The following CAMK2D variants were observed in gnomAD, a reference collection of about 807,000 sequenced individuals.
CAMK2D encodes calcium/calmodulin-dependent protein kinase type II subunit delta.
A neutral mutation model predicts 84.0 loss-of-function variants in CAMK2D; 37 were observed. That is an observed-to-expected ratio of 0.44 (90% CI 0.34 to 0.58). The LOEUF (loss-of-function observed/expected upper bound fraction) is 0.58. Among genes scored for constraint, CAMK2D ranks in the 20% least tolerant of loss-of-function variants. CAMK2D has a pLI of 0.02. For synonymous variants in CAMK2D, 202 were observed against 212.5 expected, an observed-to-expected ratio of 0.95 and a Z score of 0.43; for missense variants, 448 against 652.5, an observed-to-expected ratio of 0.69 and a Z score of 3.41.
intron 2 of CAMK2D, among the ~76,000 whole-genome samples, chr4:113,681,297 T>C (rs2099345093): frequency 6.6e-6 from 1 of 152,164 alleles, no homozygotes; most frequent in Non-Finnish European, 1.5e-5. Context: ...AACTGAATCA[T>C]GGGGGTGGTT....
intron 15 of CAMK2D, 105 bp downstream of exon 15, chr4:113,502,831 T>G (rs967584678): frequency 1.2e-6 from 1 of 802,722 alleles, no homozygotes; most frequent in African/African-American, 1.7e-5. Context: ...TAGAAAATGG[T>G]TAGAATTTTC....
intron 3 of CAMK2D, among the ~76,000 whole-genome samples, chr4:113,637,593 C>A (rs2099114913): frequency 6.6e-6 from 1 of 152,032 alleles, no homozygotes; most frequent in African/African-American, 2.4e-5. Flanking sequence ...TTGGTTTGGG[C>A]ACATAATCAA....
At chr4:113,588,652 A>C (rs940822537) in intron 4 of CAMK2D, among the ~76,000 whole-genome samples, 1 of 152,158 alleles carries the variant, frequency 6.6e-6, no homozygotes, top group East Asian at 1.9e-4. Context: ...TAAAACATTC[A>C]CTTACAACTC....
chr4:113,547,744 T>A, intron 5 of CAMK2D, 28 bp from the exon 6 acceptor site: 5 of 1,481,250 alleles, frequency 3.4e-6, no homozygotes, highest in Non-Finnish European at 1.8e-6. Context: ...GGGGCGTGTG[T>A]TAGTTCCAAG....
At chr4:113,661,900 T>A (rs1404709695) in intron 2 of CAMK2D, 128 bp from the exon 3 acceptor site, 1 of 592,744 alleles carries the variant, frequency 1.7e-6, no homozygotes, top group Non-Finnish European at 3.0e-6. Flanking sequence ...GAAACAATGA[T>A]AATTCAAATT....
intron 2 of CAMK2D, among the ~76,000 whole-genome samples, chr4:113,700,730 G>A (rs1410317135): frequency 6.6e-6 from 1 of 152,194 alleles, no homozygotes; most frequent in African/African-American, 2.4e-5. Flanking sequence ...TGCAGAAAAG[G>A]AAAAGAAAGC....
intron 12 of CAMK2D, among the ~76,000 whole-genome samples, chr4:113,511,030 A>C (rs943295196): frequency 2.6e-5 from 4 of 152,136 alleles, no homozygotes; most frequent in African/African-American, 9.6e-5. Context: ...CAAAGAGAAG[A>C]TGATGATTCA....
intron 2 of CAMK2D, among the ~76,000 whole-genome samples, chr4:113,735,287 AGG>A (rs1249164900): frequency 5.4e-5 from 5 of 92,750 alleles, no homozygotes; most frequent in Admixed American, 2.2e-4. Context: ...CCATCTCTAC[AGG>A]AAAAAAAAAA....
intron 2 of CAMK2D, among the ~76,000 whole-genome samples, chr4:113,748,435 C>A (rs991125410): frequency 6.6e-6 from 1 of 151,964 alleles, no homozygotes; most frequent in Non-Finnish European, 1.5e-5. Flanking sequence ...GATATTTAAT[C>A]CTCTAACCCA....
chr4:113,568,487 A>G (rs547949869), intron 4 of CAMK2D, among the ~76,000 whole-genome samples: 23 of 152,308 alleles, frequency 1.5e-4, no homozygotes, highest in African/African-American at 5.5e-4. Flanking sequence ...GTTGATGGAC[A>G]TTTGTGTTGT....
intron 4 of CAMK2D, among the ~76,000 whole-genome samples, chr4:113,561,658 C>G (rs1345326135): frequency 6.6e-6 from 1 of 152,038 alleles, no homozygotes; most frequent in East Asian, 1.9e-4. Context: ...AAAGATAATG[C>G]CAGATTAATC....
At chr4:113,718,660 G>T (rs147729799) in intron 2 of CAMK2D, among the ~76,000 whole-genome samples, 18 of 152,178 alleles carry the variant, frequency 1.2e-4, no homozygotes, top group African/African-American at 4.3e-4. Flanking sequence ...TTGGGAAAGG[G>T]CTGTTTTCAT....
chr4:113,707,228 C>A (rs772728811), intron 2 of CAMK2D, among the ~76,000 whole-genome samples: 4 of 152,072 alleles, frequency 2.6e-5, no homozygotes, highest in Non-Finnish European at 5.9e-5. Flanking sequence ...CTCATGCTGG[C>A]TATCCATGCC....
At chr4:113,618,175 T>C (rs1285382164) in intron 3 of CAMK2D, among the ~76,000 whole-genome samples, 1 of 152,216 alleles carries the variant, frequency 6.6e-6, no homozygotes, top group African/African-American at 2.4e-5. Flanking sequence ...TATGATTCTC[T>C]AAGTGTAAGA....
chr4:113,733,548 G>A lies in CAMK2D; in HGVS notation c.160+25772C>T, dbSNP rs542967868. On this transcript the variant is annotated intron_variant, in intron 2 of 20. Transcript: ENST00000511664. ...ATCCTCAAACAAAGGGAAAAGTCAA[G>A]TTATCAGGTATAAGTATGGCTCCAA... Among the ~76,000 whole-genome samples, 50 of 152,302 alleles carry A rather than the reference G, an allele frequency of 3.3e-4. 1 individual carries two copies. In the South Asian group the frequency reaches 0.01, roughly 32 times the overall value.
chr4:113,761,140 G>A lies in CAMK2D; in HGVS notation c.-72C>T. Reference sequence around the variant, plus strand: ...CGAGCAGACGCGCGGCTAACCCCGGGACTGGCCCCGCGGCGCTGTCACCCA... The same window carrying A: ...CGAGCAGACGCGCGGCTAACCCCGGAACTGGCCCCGCGGCGCTGTCACCCA... On this transcript the variant is annotated 5_prime_UTR_variant, in exon 1 of 21. Transcript: ENST00000511664. 1 of 1,607,902 alleles carries A rather than the reference G, an allele frequency of 6.2e-7. No individual in the cohort carries two copies. The highest frequency in any genetic ancestry group is 1.1e-5 in the South Asian group (1 of 90,986).
At chr4:113,462,330 G>GTCTATCTATCTATCTATCTA (rs1295226081) in intron 17 of CAMK2D, among the ~76,000 whole-genome samples, 86 of 129,418 alleles carry the variant, frequency 6.6e-4, no homozygotes, top group Non-Finnish European at 8.6e-4. Flanking sequence ...CTGTCTGTCT[G>GTCTATCTATCTATCTATCTA]TCTGTCTGTC....
chr4:113,761,491 G>A lies in CAMK2D; in HGVS notation c.-423C>T, dbSNP rs2149202891. 1.6e-5 allele frequency: 17 copies of A among 1,057,500 alleles called. No homozygotes were observed. The highest frequency in any genetic ancestry group is 9.2e-4 in the Middle Eastern group (2 of 2,168). 65.5% of individuals were successfully genotyped at this position (1,057,500 alleles called of 1,614,324 possible). On this transcript the variant is annotated 5_prime_UTR_variant, in exon 1 of 21. Transcript: ENST00000511664. ...GCAGGAGGAGTAGAAGCAGAGGGGA[G>A]GGAGTCCGAGGGGGCGGAGGTGGAG...
At chr4:113,515,226 A>G (rs773437184) in intron 9 of CAMK2D, 35 bp from the exon 10 acceptor site, 40 of 1,495,612 alleles carry the variant, frequency 2.7e-5, no homozygotes, top group Non-Finnish European at 3.5e-5. Flanking sequence ...AGTTTAAAAA[A>G]TAGACACACT....
Sources: allele counts gnomAD v4.1 joint callset (sites outside exome capture counted in the v4.1 genomes callset), GRCh38; gene constraint gnomAD v4.1.1; transcripts MANE v1.5; gene names NCBI Gene and HGNC (gene_info 2026-07-23, HGNC 2026-07-21).